Variants in PTBP3 observed in about 807,000 individuals in gnomAD.
The protein encoded by PTBP3 is polypyrimidine tract binding protein 3.
PTBP3 carries 20 observed loss-of-function variants against 58.7 expected under a neutral mutation model. That is an observed-to-expected ratio of 0.34 (90% CI 0.24 to 0.50). The LOEUF (loss-of-function observed/expected upper bound fraction) is 0.50, where lower values mean the gene tolerates loss of function less well. PTBP3 is among the 20% of genes least tolerant of loss of function. The pLI is 0.98. For synonymous variants in PTBP3, 185 were observed against 219.8 expected, an observed-to-expected ratio of 0.84 and a Z score of 1.40; for missense variants, 509 against 637.2, an observed-to-expected ratio of 0.80 and a Z score of 2.17.
chr9:112,304,530 C>T (rs1173198090), intron 1 of PTBP3, among the ~76,000 whole-genome samples: 1 of 152,148 alleles, frequency 6.6e-6, no homozygotes, highest in East Asian at 1.9e-4. Flanking sequence ...ATCCTTTTAA[C>T]TGATAAGCTT....
chr9:112,280,337 G>C (rs1335957564), intron 2 of PTBP3, among the ~76,000 whole-genome samples: 1 of 150,824 alleles, frequency 6.6e-6, no homozygotes, highest in East Asian at 2.0e-4. Flanking sequence ...TTACAGGCAT[G>C]AGCCACCGTG....
At chr9:112,237,162 C>G (rs1204979591) in intron 7 of PTBP3, among the ~76,000 whole-genome samples, 1 of 152,164 alleles carries the variant, frequency 6.6e-6, no homozygotes, top group Non-Finnish European at 1.5e-5. Flanking sequence ...ATTTGAATAA[C>G]TGTTTCCATG....
intron 1 of PTBP3, 57 bp downstream of exon 1, chr9:112,333,413 C>A: frequency 6.4e-7 from 1 of 1,551,446 alleles, no homozygotes; most frequent in Non-Finnish European, 8.7e-7. Flanking sequence ...CGCGGAGAGC[C>A]GGGTGGAAGC....
At chr9:112,360,340 C>T in the PTBP3 span, among the ~76,000 whole-genome samples, 1 of 152,132 alleles carries the variant, frequency 6.6e-6, no homozygotes, top group Non-Finnish European at 1.5e-5. Flanking sequence ...TGCACCACCA[C>T]ACCTGGCTTA....
intron 12 of PTBP3, among the ~76,000 whole-genome samples, chr9:112,226,704 A>G (rs1328124600): frequency 6.6e-6 from 1 of 152,238 alleles, no homozygotes; most frequent in African/African-American, 2.4e-5. Context: ...AAGAGCAGCC[A>G]TAAGTAACAC....
intron 7 of PTBP3, among the ~76,000 whole-genome samples, chr9:112,244,860 TAAA>T (rs1835816577): frequency 6.6e-6 from 1 of 152,000 alleles, no homozygotes; most frequent in Non-Finnish European, 1.5e-5. Flanking sequence ...AAGCTGATCT[TAAA>T]ATGCTTAAGA....
At position 112,221,830 on chromosome 9, in the gene PTBP3, GGT is replaced by G; in HGVS notation, c.*2019_*2020del. On this transcript the variant is annotated 3_prime_UTR_variant, in exon 14 of 14. Transcript: ENST00000374257. ...TCATCTCTTGCAGTCTCTATTTTTT[GGT>G]AAAATTTCTTCTGTAAAAACCTCCC... 4.1e-6 allele frequency: 4 copies of G among 984,670 alleles called. No individual in the cohort carries two copies. The highest frequency in any genetic ancestry group is 4.8e-6 in the Non-Finnish European group (4 of 829,426). 61.0% of individuals were successfully genotyped at this position (984,670 alleles called of 1,614,324 possible). A position where few individuals can be genotyped will look rare whatever the true frequency, so the allele number is the denominator to read the frequency against.
At chr9:112,244,289 C>CATAAAAAAAAAAAAAAAAAAAAAAAAAAA (rs1835783657) in intron 7 of PTBP3, among the ~76,000 whole-genome samples, 1 of 36,318 alleles carries the variant, frequency 2.8e-5, no homozygotes, top group Non-Finnish European at 5.1e-5. Context: ...GACTCTGTCT[C>CATAAAAAAAAAAAAAAAAAAAAAAAAAAA]AAAAAAAAAA....
chr9:112,229,643 G>A (rs972854076), intron 10 of PTBP3, among the ~76,000 whole-genome samples: 19 of 151,736 alleles, frequency 1.3e-4, no homozygotes, highest in African/African-American at 4.6e-4. Context: ...ATGGAGACAA[G>A]TATTCCGAAT....
At chr9:112,245,403 G>A (rs934761545) in intron 7 of PTBP3, among the ~76,000 whole-genome samples, 58 of 152,270 alleles carry the variant, frequency 3.8e-4, no homozygotes, top group Middle Eastern at 3.4e-3. Context: ...AAGTAAACAT[G>A]TTGAGGCTAA....
chr9:112,228,455 G>A lies in PTBP3; in HGVS notation c.1072C>T (p.His358Tyr), dbSNP rs1385775267. ...FILFGVYGDV[H>Y]RVKIMFNKKE... ...TTATTAAACATAATCTTCACTCGAT[G>A]TACATCACCATAGACTCCTAATTAA... is the stretch of plus-strand genomic sequence containing the variant. The change falls in exon 11 of 14, where the codon CAT becomes TAT. Residue 358 changes from histidine (H) to tyrosine (Y), a missense_variant. Physicochemically the swap from His to Tyr is moderately conservative, Grantham distance 83 (BLOSUM62 2). Coordinates refer to ENST00000374257, the MANE Select transcript of PTBP3 (RefSeq NM_001163788.4). 6.9e-6 allele frequency: 11 copies of A among 1,603,608 alleles called. No homozygotes were observed. Among genetic ancestry groups the A allele is most frequent in the Non-Finnish European group, 9.4e-6 (11 of 1,176,172 alleles).
intron 5 of PTBP3, among the ~76,000 whole-genome samples, chr9:112,259,004 T>C (rs1836484765): frequency 2.0e-5 from 3 of 152,158 alleles, no homozygotes; most frequent in Admixed American, 2.0e-4. Context: ...CAGGCTGGAA[T>C]GCAGTGGTAC....
At chr9:112,298,067 T>C in intron 1 of PTBP3, 151 bp from the exon 2 acceptor site, 5 of 597,690 alleles carry the variant, frequency 8.4e-6, no homozygotes, top group Non-Finnish European at 1.1e-5. Context: ...TCAAATGAAC[T>C]GCATAGCAAG....
At chr9:112,231,351 CAAT>C (rs555742793) in intron 10 of PTBP3, 26 bp downstream of exon 10, 73 of 1,545,158 alleles carry the variant, frequency 4.7e-5, no homozygotes, top group Non-Finnish European at 6.1e-5. Context: ...CACCTGTAGA[CAAT>C]AATAAAATAG....
chr9:112,294,213 G>A (rs1476024007), intron 2 of PTBP3, among the ~76,000 whole-genome samples: 1 of 152,150 alleles, frequency 6.6e-6, no homozygotes, highest in Non-Finnish European at 1.5e-5. Flanking sequence ...GTATGATGAA[G>A]GATTATTATC....
At chr9:112,327,799 GA>G (rs112948823) in intron 1 of PTBP3, among the ~76,000 whole-genome samples, 84 of 144,362 alleles carry the variant, frequency 5.8e-4, no homozygotes, top group East Asian at 2.0e-3. Context: ...ACTAATAGAG[GA>G]AAAAAAAAAA....
At chr9:112,245,536 A>C (rs142121834) in intron 7 of PTBP3, among the ~76,000 whole-genome samples, 47 of 152,342 alleles carry the variant, frequency 3.1e-4, no homozygotes, top group Non-Finnish European at 4.6e-4. Context: ...ACATATATTT[A>C]TGAAGCAAAC....
At chr9:112,273,570 T>C (rs1385474348) in intron 3 of PTBP3, among the ~76,000 whole-genome samples, 1 of 152,230 alleles carries the variant, frequency 6.6e-6, no homozygotes, top group Non-Finnish European at 1.5e-5. Context: ...TGTCACAGGA[T>C]TTCCTTTAAG....
chr9:112,320,315 T>TATATATATATA (rs60292377), intron 1 of PTBP3, among the ~76,000 whole-genome samples: 1 of 27,076 alleles, frequency 3.7e-5, no homozygotes, highest in African/African-American at 1.2e-4. Context: ...TATATATATA[T>TATATATATATA]TTTTTTTTAA....
Sources: gnomAD v4.1 joint callset for allele counts (sites outside exome capture counted in the v4.1 genomes callset) on GRCh38, gnomAD v4.1.1 for gene constraint, MANE v1.5 for transcripts, NCBI Gene and HGNC (gene_info 2026-07-23, HGNC 2026-07-21) for gene names.